The following ZNF804A variants were observed in gnomAD, a reference collection of about 807,000 sequenced individuals.
ZNF804A encodes the protein zinc finger protein 804A.
Under a neutral mutation model 16.5 loss-of-function variants are expected in ZNF804A, and 2 were observed. The ratio of observed to expected loss-of-function variants is 0.12; its 90% CI spans 0.05 to 0.38. ZNF804A has a LOEUF of 0.38. Ranked by LOEUF, ZNF804A falls within the 10% of genes least tolerant of loss-of-function variation. ZNF804A has a pLI of 0.99. For synonymous variants in ZNF804A, 534 were observed against 489.6 expected (o/e 1.09, Z -1.20); for missense variants, 1,473 against 1,390.7 (o/e 1.06, Z -0.94).
At position 184,730,409 on chromosome 2, in the gene ZNF804A, T is replaced by C. The variant is rs893673669; in HGVS notation, c.111+131339T>C. Among the ~76,000 whole-genome samples the C allele has an allele frequency of 2.6e-5, 4 of 152,154 alleles. No homozygotes were observed. The East Asian group carries it at 7.7e-4, about 29-fold the overall frequency. On this transcript the variant is annotated intron_variant, in intron 1 of 3. Transcript: ENST00000302277. ...TATCACCTGGAATCAATAGTTTGTG[T>C]TAGGGTTCACTTGTTGTTATACATT... is the stretch of plus-strand genomic sequence containing the variant.
rs184272691 is a variant in ZNF804A, at chr2:184,725,099, C to T, written c.111+126029C>T. Among the ~76,000 whole-genome samples, 4 of 151,754 alleles carry T rather than the reference C, an allele frequency of 2.6e-5. No individual in the cohort carries two copies. In the East Asian group the frequency reaches 7.7e-4, roughly 29 times the overall value. ...AAGACACAGTGATTAGCTACTAGGA[C>T]TAGTTCTGCATATTGATTTGCCTGT... On this transcript the variant is annotated intron_variant, in intron 1 of 3. Transcript: ENST00000302277.
chr2:184,918,378 A>C (rs1477364270), intron 2 of ZNF804A, among the ~76,000 whole-genome samples: 1 of 152,200 alleles, frequency 6.6e-6, no homozygotes, highest in Non-Finnish European at 1.5e-5. Flanking sequence ...AGGTGGCATA[A>C]ATAGGAAGCC....
At chr2:184,745,017 C>A (rs1014350181) in intron 1 of ZNF804A, among the ~76,000 whole-genome samples, 6 of 151,738 alleles carry the variant, frequency 4.0e-5, no homozygotes, top group Non-Finnish European at 7.4e-5. Context: ...GTTCACATAT[C>A]TATTCAGTGG....
At position 184,937,780 on chromosome 2, in the gene ZNF804A, T is replaced by A. The variant is rs867554946; in HGVS notation, c.2384T>A (p.Phe795Tyr). The A allele has an allele frequency of 2.5e-6, 4 of 1,613,974 alleles. No homozygotes were observed. In the Middle Eastern group the frequency reaches 6.6e-4, roughly 266 times the overall value. Reference protein sequence around the residue: ...LNRQNHLPEEFLRPPSTSVAP... With the variant: ...LNRQNHLPEEYLRPPSTSVAP... ...CGACAGAATCATTTACCAGAAGAAT[T>A]TTTGAGGCCACCAAGTACTTCAGTT... Residue 795 changes from phenylalanine to tyrosine, a missense_variant, in exon 4 of 4, where the codon TTT becomes TAT. Coordinates refer to ENST00000302277, the MANE Select transcript of ZNF804A (RefSeq NM_194250.2).
At chr2:184,599,118 A>G in intron 1 of ZNF804A, 48 bp downstream of exon 1, 1 of 1,390,896 alleles carries the variant, frequency 7.2e-7, no homozygotes, top group East Asian at 2.3e-5. Context: ...TTAAGAGGGC[A>G]TTTGGAAGAT....
intron 1 of ZNF804A, among the ~76,000 whole-genome samples, chr2:184,727,928 A>T (rs1316518756): frequency 6.6e-6 from 1 of 151,756 alleles, no homozygotes; most frequent in African/African-American, 2.4e-5. Context: ...GCCCAAGAAC[A>T]TTCAACTGGT....
chr2:184,860,744 C>T (rs900441149), intron 1 of ZNF804A, among the ~76,000 whole-genome samples: 5 of 152,174 alleles, frequency 3.3e-5, no homozygotes, highest in Non-Finnish European at 2.9e-5. Context: ...GGACCTGGAT[C>T]CTGTGTCTGC....
intron 1 of ZNF804A, among the ~76,000 whole-genome samples, chr2:184,751,174 T>A (rs1693871991): frequency 6.6e-6 from 1 of 151,452 alleles, no homozygotes; most frequent in African/African-American, 2.4e-5. Context: ...AGATTTCAAT[T>A]TTTTTTGGAT....
intron 2 of ZNF804A, among the ~76,000 whole-genome samples, chr2:184,885,444 T>A (rs1684874279): frequency 1.3e-5 from 2 of 152,038 alleles, no homozygotes; most frequent in African/African-American, 4.8e-5. Context: ...AGCTAAATGC[T>A]CATCAAAAGT....
intron 1 of ZNF804A, among the ~76,000 whole-genome samples, chr2:184,710,878 A>G (rs765757058): frequency 2.0e-5 from 3 of 151,744 alleles, no homozygotes; most frequent in Non-Finnish European, 3.0e-5. Flanking sequence ...TTCTATGTCT[A>G]TGCCATGTTT....
chr2:184,824,872 T>C (rs189530005), intron 1 of ZNF804A, among the ~76,000 whole-genome samples: 6,750 of 152,116 alleles, frequency 0.044, 252 homozygotes, highest in East Asian at 0.2. Flanking sequence ...GGCTTTTTTT[T>C]CACAGCATAA....
chr2:184,705,598 G>A (rs1215305486), intron 1 of ZNF804A, among the ~76,000 whole-genome samples: 1 of 152,078 alleles, frequency 6.6e-6, no homozygotes, highest in Non-Finnish European at 1.5e-5. Flanking sequence ...TTCTCTGAAG[G>A]CATGGTACCT....
rs568862641 is a variant in ZNF804A at position 184,724,762 on chromosome 2, C to T, written c.111+125692C>T. Among the ~76,000 whole-genome samples, 9 of 151,640 alleles carry T rather than the reference C, an allele frequency of 5.9e-5. No homozygotes were observed. In the East Asian group the frequency reaches 1.4e-3, roughly 23 times the overall value. On this transcript the variant is annotated intron_variant, in intron 1 of 3. Coordinates refer to ENST00000302277, the MANE Select transcript of ZNF804A (RefSeq NM_194250.2). ...GAATTACAAGGCAATTAAAGCAGCACGGGAAATGTATGCCTATTGCAGGAA... is the reference window on the plus strand; with the variant it reads ...GAATTACAAGGCAATTAAAGCAGCATGGGAAATGTATGCCTATTGCAGGAA...
intron 1 of ZNF804A, among the ~76,000 whole-genome samples, chr2:184,637,555 C>A (rs936632643): frequency 1.3e-5 from 2 of 152,054 alleles, no homozygotes; most frequent in Non-Finnish European, 2.9e-5. Flanking sequence ...TGGCCAGGTT[C>A]CTAATCTGTT....
At chr2:184,758,260 A>C (rs540820070) in intron 1 of ZNF804A, among the ~76,000 whole-genome samples, 1 of 152,136 alleles carries the variant, frequency 6.6e-6, no homozygotes, top group African/African-American at 2.4e-5. Flanking sequence ...ATCATTCAAG[A>C]TAGCGAATTA....
intron 1 of ZNF804A, among the ~76,000 whole-genome samples, chr2:184,735,653 G>A (rs1164095596): frequency 2.0e-5 from 3 of 152,134 alleles, no homozygotes; most frequent in Non-Finnish European, 4.4e-5. Flanking sequence ...ACTCAATGTT[G>A]AAGGTAAAAA....
intron 1 of ZNF804A, among the ~76,000 whole-genome samples, chr2:184,835,880 C>A (rs17509517): frequency 6.6e-6 from 1 of 151,932 alleles, no homozygotes; most frequent in Non-Finnish European, 1.5e-5. Flanking sequence ...GGAAAGAGAC[C>A]TTGACTTCAG....
chr2:184,884,785 C>T (rs1684860256), intron 2 of ZNF804A, among the ~76,000 whole-genome samples: 1 of 151,790 alleles, frequency 6.6e-6, no homozygotes, highest in Non-Finnish European at 1.5e-5. Context: ...GTACATAGGC[C>T]CTGGCAAAGT....
intron 1 of ZNF804A, among the ~76,000 whole-genome samples, chr2:184,616,129 T>C (rs987295768): frequency 1.3e-5 from 2 of 152,172 alleles, no homozygotes; most frequent in Non-Finnish European, 2.9e-5. Context: ...TTAGGAAAAA[T>C]GTAGAATTTT....
Sources: allele counts gnomAD v4.1 joint callset (sites outside exome capture counted in the v4.1 genomes callset), GRCh38; gene constraint gnomAD v4.1.1; transcripts MANE v1.5; gene names NCBI Gene and HGNC (gene_info 2026-07-23, HGNC 2026-07-21).